Variants in SCHIP1 observed in about 807,000 individuals in gnomAD.
The protein encoded by SCHIP1 is schwannomin-interacting protein 1.
A neutral mutation model predicts 29.7 loss-of-function variants in SCHIP1; 8 were observed. The observed-to-expected ratio is 0.27, with a 90% CI of 0.16 to 0.49. The LOEUF (loss-of-function observed/expected upper bound fraction) is 0.49, where lower values mean the gene tolerates loss of function less well. Among genes scored for constraint, SCHIP1 ranks in the 20% least tolerant of loss-of-function variants. The pLI, the probability that SCHIP1 is intolerant of heterozygous loss-of-function variation, is 0.99. For synonymous variants in SCHIP1, 76 were observed against 94.9 expected (o/e 0.80, Z 1.16); for missense variants, 193 against 294.6 (o/e 0.66, Z 2.52).
chr3:159,393,341 GC>G, the SCHIP1 span, among the ~76,000 whole-genome samples: 1 of 151,872 alleles, frequency 6.6e-6, no homozygotes, highest in Non-Finnish European at 1.5e-5. Flanking sequence ...GTCAATTTTG[GC>G]TTTTCTTGCC....
chr3:159,641,222 C>T, the SCHIP1 span, among the ~76,000 whole-genome samples: 25 of 152,188 alleles, frequency 1.6e-4, no homozygotes, highest in African/African-American at 5.1e-4. Context: ...TCTCATCCCT[C>T]CAACATGGAA....
At chr3:159,574,759 G>T in the SCHIP1 span, among the ~76,000 whole-genome samples, 3 of 152,186 alleles carry the variant, frequency 2.0e-5, no homozygotes, top group Non-Finnish European at 4.4e-5. Context: ...AGCTGCAGTG[G>T]GCTCCACCCA....
At chr3:159,293,175 T>C in the SCHIP1 span, among the ~76,000 whole-genome samples, 1 of 152,214 alleles carries the variant, frequency 6.6e-6, no homozygotes, top group East Asian at 1.9e-4. Context: ...ACATTACCTA[T>C]GGTAAATGGA....
chr3:159,377,534 T>C, the SCHIP1 span, among the ~76,000 whole-genome samples: 1 of 152,208 alleles, frequency 6.6e-6, no homozygotes, highest in Non-Finnish European at 1.5e-5. Context: ...TGAAGATGGC[T>C]GAAGGTTTCA....
At chr3:159,831,986 T>C in the SCHIP1 span, among the ~76,000 whole-genome samples, 1 of 152,212 alleles carries the variant, frequency 6.6e-6, no homozygotes, top group Non-Finnish European at 1.5e-5. Context: ...TCATTATCTA[T>C]ACTTAACACA....
chr3:159,342,073 T>C, the SCHIP1 span, among the ~76,000 whole-genome samples: 6 of 152,166 alleles, frequency 3.9e-5, no homozygotes. Flanking sequence ...TTTTATTCTT[T>C]CTTGATTAGG....
At chr3:159,407,306 A>T in the SCHIP1 span, among the ~76,000 whole-genome samples, 1 of 152,226 alleles carries the variant, frequency 6.6e-6, no homozygotes. Context: ...TCGTTATATA[A>T]TGATAAAGGG....
At chr3:159,304,741 A>G in the SCHIP1 span, among the ~76,000 whole-genome samples, 1 of 152,184 alleles carries the variant, frequency 6.6e-6, no homozygotes, top group South Asian at 2.1e-4. Flanking sequence ...GCCTTCAGAT[A>G]TATCTTTGCC....
At chr3:159,489,396 C>G in the SCHIP1 span, among the ~76,000 whole-genome samples, 1 of 152,196 alleles carries the variant, frequency 6.6e-6, no homozygotes, top group Non-Finnish European at 1.5e-5. Context: ...CATACACACA[C>G]TATCCCTGAA....
the SCHIP1 span, among the ~76,000 whole-genome samples, chr3:159,536,215 A>G: frequency 1.3e-5 from 2 of 152,150 alleles, no homozygotes; most frequent in African/African-American, 4.8e-5. Flanking sequence ...AGTTTTCTTT[A>G]GATTAATTCC....
chr3:159,838,211 C>T (rs1743861836), upstream of SCHIP1, among the ~76,000 whole-genome samples: 1 of 152,146 alleles, frequency 6.6e-6, no homozygotes, highest in Admixed American at 6.5e-5. Context: ...CCTGCTTGAA[C>T]CTCAAATAGT....
the SCHIP1 span, among the ~76,000 whole-genome samples, chr3:159,565,922 G>A: frequency 6.6e-6 from 1 of 152,122 alleles, no homozygotes; most frequent in South Asian, 2.1e-4. Context: ...AAAATTCACA[G>A]TAGGATAATC....
chr3:159,506,645 A>C, the SCHIP1 span, among the ~76,000 whole-genome samples: 2 of 152,126 alleles, frequency 1.3e-5, no homozygotes, highest in Non-Finnish European at 2.9e-5. Flanking sequence ...ATTTTTGTAT[A>C]AGGTATAAGG....
the SCHIP1 span, among the ~76,000 whole-genome samples, chr3:159,732,076 A>G: frequency 0.028 from 4,328 of 152,092 alleles, 148 homozygotes; most frequent in African/African-American, 0.08. Context: ...GAACTCCTGA[A>G]CTCAGGTGAT....
At chr3:159,656,105 C>G in the SCHIP1 span, among the ~76,000 whole-genome samples, 1 of 152,122 alleles carries the variant, frequency 6.6e-6, no homozygotes, top group Non-Finnish European at 1.5e-5. Context: ...GCATAGACTT[C>G]AGAGACCTGA....
At chr3:159,519,451 A>C in the SCHIP1 span, among the ~76,000 whole-genome samples, 1 of 152,300 alleles carries the variant, frequency 6.6e-6, no homozygotes, top group East Asian at 1.9e-4. Context: ...TTTTTAAAAA[A>C]GCCAGCTTAC....
chr3:159,619,012 G>A, the SCHIP1 span, among the ~76,000 whole-genome samples: 1 of 152,284 alleles, frequency 6.6e-6, no homozygotes, highest in East Asian at 1.9e-4. Context: ...AATTTTAAAG[G>A]TGACTTCCAA....
chr3:159,791,971 ATT>A, the SCHIP1 span, among the ~76,000 whole-genome samples: 2 of 152,104 alleles, frequency 1.3e-5, no homozygotes, highest in African/African-American at 2.4e-5. Context: ...AACTTTTGAC[ATT>A]TTTTAAAAAG....
At chr3:159,701,553 A>G in the SCHIP1 span, among the ~76,000 whole-genome samples, 1 of 152,154 alleles carries the variant, frequency 6.6e-6, no homozygotes, top group African/African-American at 2.4e-5. Context: ...ATTTTCCTTT[A>G]TAACCTAATA....
Sources: allele counts gnomAD v4.1 joint callset (sites outside exome capture counted in the v4.1 genomes callset), GRCh38; gene constraint gnomAD v4.1.1; transcripts MANE v1.5; gene names NCBI Gene and HGNC (gene_info 2026-07-23, HGNC 2026-07-21).